Variants in CDH13 observed in about 807,000 individuals in gnomAD.
CDH13 encodes cadherin 13, also known as cadherin-13.
Under a neutral mutation model 63.8 loss-of-function variants are expected in CDH13, and 24 were observed. The observed-to-expected ratio is 0.38, with a 90% CI of 0.27 to 0.53. The LOEUF (loss-of-function observed/expected upper bound fraction) is 0.53. Ranked by LOEUF, CDH13 falls within the 20% of genes least tolerant of loss-of-function variation. The pLI is 0.85. For synonymous variants in CDH13, 503 were observed against 355.3 expected, an observed-to-expected ratio of 1.42 and a Z score of -4.67; for missense variants, 1,049 against 903.1, an observed-to-expected ratio of 1.16 and a Z score of -2.07.
intron 1 of CDH13, among the ~76,000 whole-genome samples, chr16:82,754,493 CTG>C (rs1374656610): frequency 1.3e-5 from 2 of 152,150 alleles, no homozygotes; most frequent in Admixed American, 6.5e-5. Context: ...AAAGGGGTCA[CTG>C]TTTGTAGGAA....
At chr16:82,963,821 C>T (rs1329919136) in intron 2 of CDH13, among the ~76,000 whole-genome samples, 1 of 152,188 alleles carries the variant, frequency 6.6e-6, no homozygotes, top group Non-Finnish European at 1.5e-5. Flanking sequence ...CAGCATTTTC[C>T]TGCCTGACTT....
At chr16:83,550,859 T>C (rs2075477473) in intron 7 of CDH13, among the ~76,000 whole-genome samples, 1 of 152,116 alleles carries the variant, frequency 6.6e-6, no homozygotes, top group Non-Finnish European at 1.5e-5. Flanking sequence ...AAGCCTAACC[T>C]CTCAGGTTAG....
intron 1 of CDH13, among the ~76,000 whole-genome samples, chr16:82,813,176 C>T (rs9889056): frequency 0.36 from 54,865 of 151,878 alleles, 11,356 homozygotes; most frequent in East Asian, 0.72. Context: ...TTGGAGTAGA[C>T]TGTGAAATTG....
At chr16:82,746,273 A>G (rs932854379) in intron 1 of CDH13, among the ~76,000 whole-genome samples, 6 of 86,266 alleles carry the variant, frequency 7.0e-5, no homozygotes, top group African/African-American at 1.9e-4. Flanking sequence ...TTATATATAA[A>G]CACACTGTAT....
At chr16:82,894,373 G>A (rs2041178794) in intron 2 of CDH13, among the ~76,000 whole-genome samples, 1 of 152,188 alleles carries the variant, frequency 6.6e-6, no homozygotes, top group African/African-American at 2.4e-5. Flanking sequence ...CAGGCGTGGT[G>A]GCTCAAGCCT....
chr16:83,110,799 G>A (rs1295653305), intron 3 of CDH13, among the ~76,000 whole-genome samples: 1 of 151,934 alleles, frequency 6.6e-6, no homozygotes, highest in Non-Finnish European at 1.5e-5. Flanking sequence ...ACAGTTACAA[G>A]GGGCTACTTC....
At chr16:82,750,887 A>G (rs776804947) in intron 1 of CDH13, among the ~76,000 whole-genome samples, 52 of 152,268 alleles carry the variant, frequency 3.4e-4, no homozygotes, top group Middle Eastern at 6.8e-3. Context: ...TAATGCTAGG[A>G]CTGGTCACTT....
At chr16:83,488,979 A>C (rs964342307) in intron 7 of CDH13, among the ~76,000 whole-genome samples, 4 of 152,070 alleles carry the variant, frequency 2.6e-5, no homozygotes, top group Admixed American at 2.6e-4. Flanking sequence ...GCCAGTGATG[A>C]CTTCCCAAGG....
chr16:82,766,845 A>T (rs1227664825), intron 1 of CDH13, among the ~76,000 whole-genome samples: 1 of 152,208 alleles, frequency 6.6e-6, no homozygotes, highest in African/African-American at 2.4e-5. Flanking sequence ...TTGAAGATGT[A>T]TTTGTACCCG....
chr16:83,651,770 A>G (rs55925087), intron 8 of CDH13, among the ~76,000 whole-genome samples: 20,858 of 151,260 alleles, frequency 0.14, 1,497 homozygotes, highest in East Asian at 0.24. Context: ...TAATTTTTGT[A>G]TTTTTAGTAG....
At position 82,878,345 on chromosome 16, in the gene CDH13, C is replaced by G. The variant is rs145904186; in HGVS notation, c.157+19872C>G. On this transcript the variant is annotated intron_variant, in intron 2 of 13. Transcript: ENST00000567109. ...TTTTTGTTTTAGTAAAGTCTTTAGA[C>G]TAAATGTTGAATCTTTCACTCTCTT... Among the ~76,000 whole-genome samples the G allele has an allele frequency of 2.8e-4, 43 of 151,902 alleles. 1 individual carries two copies. The East Asian group carries it at 7.8e-3, about 27-fold the overall frequency.
chr16:82,870,116 A>T (rs974246518), intron 2 of CDH13, among the ~76,000 whole-genome samples: 2 of 151,814 alleles, frequency 1.3e-5, no homozygotes, highest in African/African-American at 2.4e-5. Flanking sequence ...AGGAAGTCAA[A>T]CAACTCAATA....
At chr16:82,777,402 T>C (rs2035548122) in intron 1 of CDH13, among the ~76,000 whole-genome samples, 2 of 152,200 alleles carry the variant, frequency 1.3e-5, no homozygotes, top group Non-Finnish European at 2.9e-5. Context: ...TTGGCATCAA[T>C]ATTGTCACCG....
chr16:83,066,299 T>C (rs1050462509), intron 3 of CDH13, among the ~76,000 whole-genome samples: 12 of 152,178 alleles, frequency 7.9e-5, no homozygotes, highest in African/African-American at 2.9e-4. Flanking sequence ...CATGAGACTT[T>C]CAGTTTTAAA....
chr16:82,866,622 T>C (rs911262644), intron 2 of CDH13, among the ~76,000 whole-genome samples: 1 of 152,018 alleles, frequency 6.6e-6, no homozygotes, highest in African/African-American at 2.4e-5. Context: ...ATTAGTCTGT[T>C]TTCATACTGC....
chr16:82,754,142 T>C (rs77452816), intron 1 of CDH13, among the ~76,000 whole-genome samples: 1,542 of 152,260 alleles, frequency 0.01, 26 homozygotes, highest in African/African-American at 0.036. Flanking sequence ...AGAAACTCCT[T>C]AATATTAAAC....
intron 2 of CDH13, among the ~76,000 whole-genome samples, chr16:82,926,785 A>G (rs2042316287): frequency 6.6e-6 from 1 of 152,226 alleles, no homozygotes; most frequent in Non-Finnish European, 1.5e-5. Context: ...TTTTCATCTC[A>G]GCCATGTTCA....
chr16:83,669,373 C>A (rs938775394), intron 8 of CDH13, among the ~76,000 whole-genome samples: 4 of 152,098 alleles, frequency 2.6e-5, no homozygotes, highest in Non-Finnish European at 1.5e-5. Flanking sequence ...GGCTGAGAAC[C>A]GTTAGTATAG....
intron 5 of CDH13, among the ~76,000 whole-genome samples, chr16:83,329,301 C>T (rs972407446): frequency 6.6e-6 from 1 of 152,336 alleles, no homozygotes; most frequent in South Asian, 2.1e-4. Flanking sequence ...TCTCAGCTCA[C>T]TGCAACCTCT....
Sources: gnomAD v4.1 joint callset for allele counts (sites outside exome capture counted in the v4.1 genomes callset) on GRCh38, gnomAD v4.1.1 for gene constraint, MANE v1.5 for transcripts, NCBI Gene and HGNC (gene_info 2026-07-23, HGNC 2026-07-21) for gene names.